Variants in ZNF385D observed in about 807,000 individuals in gnomAD.
ZNF385D encodes the protein zinc finger protein 385D, also known as zinc finger protein 659.
A neutral mutation model predicts 35.8 loss-of-function variants in ZNF385D; 15 were observed. The observed-to-expected ratio is 0.42, with a 90% confidence interval of 0.28 to 0.64. The LOEUF is 0.64. Ranked by LOEUF, ZNF385D falls within the 30% of genes least tolerant of loss-of-function variation. The pLI is 0.23. For synonymous variants in ZNF385D, 212 were observed against 186.8 expected (o/e 1.13, Z -1.10); for missense variants, 474 against 494.6 (o/e 0.96, Z 0.39).
At chr3:22,201,182 A>G (rs555342871) in intron 2 of ZNF385D, among the ~76,000 whole-genome samples, 2 of 152,128 alleles carry the variant, frequency 1.3e-5, no homozygotes, top group African/African-American at 2.4e-5. Context: ...AGAAATTATA[A>G]AAGTATTAAT....
chr3:21,443,152 T>G, intron 4 of ZNF385D: 5 of 985,354 alleles, frequency 5.1e-6, no homozygotes, highest in Non-Finnish European at 6.0e-6. Context: ...AATCAAGTGC[T>G]CCACTCCACT....
Position 21,668,361 on chromosome 3 carries a change from G to A in ZNF385D, c.23-3333C>T, listed in dbSNP as rs2066467610. On this transcript the variant is annotated intron_variant, in intron 1 of 7. Transcript: ENST00000281523. ...TATTTTACCTCCAAAGTTCCTCATG[G>A]CATCTAGGGTAGGCTGAGGCCTCTG... 2.0e-5 allele frequency among the ~76,000 whole-genome samples: 3 copies of A among 152,158 alleles called. No individual in the cohort carries two copies. The South Asian group carries it at 6.2e-4, about 31-fold the overall frequency.
intron 2 of ZNF385D, among the ~76,000 whole-genome samples, chr3:21,588,844 AG>A (rs2063889017): frequency 6.6e-6 from 1 of 152,138 alleles, no homozygotes; most frequent in African/African-American, 2.4e-5. Flanking sequence ...CCAGAGAAAA[AG>A]AAATAGGCCA....
chr3:22,351,014 T>C (rs1215873866), intron 2 of ZNF385D, among the ~76,000 whole-genome samples: 2 of 152,108 alleles, frequency 1.3e-5, no homozygotes, highest in Admixed American at 6.6e-5. Context: ...ATAGACCCGC[T>C]TCCCCTGGCA....
intron 3 of ZNF385D, among the ~76,000 whole-genome samples, chr3:21,945,187 G>C (rs1701721623): frequency 1.7e-5 from 2 of 115,132 alleles, no homozygotes; most frequent in Non-Finnish European, 1.8e-5. Flanking sequence ...GAGAGAGAGA[G>C]AGACAGATTG....
At chr3:22,297,281 A>G (rs1459674527) in intron 2 of ZNF385D, among the ~76,000 whole-genome samples, 1 of 151,980 alleles carries the variant, frequency 6.6e-6, no homozygotes, top group Non-Finnish European at 1.5e-5. Context: ...TGAACACCCC[A>G]AATGACATAT....
At chr3:21,971,787 T>C (rs1703275719) in intron 3 of ZNF385D, among the ~76,000 whole-genome samples, 2 of 151,780 alleles carry the variant, frequency 1.3e-5, no homozygotes, top group Admixed American at 1.3e-4. Context: ...TTCGTGCCAC[T>C]GAAAGCCAAA....
At chr3:21,896,178 A>C (rs887363855) in intron 3 of ZNF385D, among the ~76,000 whole-genome samples, 1 of 152,154 alleles carries the variant, frequency 6.6e-6, no homozygotes, top group Non-Finnish European at 1.5e-5. Context: ...ATGTTAATGG[A>C]AACCAGAAAA....
At chr3:21,660,058 G>T (rs1030096685) in intron 2 of ZNF385D, among the ~76,000 whole-genome samples, 2 of 152,052 alleles carry the variant, frequency 1.3e-5, no homozygotes, top group African/African-American at 4.8e-5. Context: ...CCAGCAGTTG[G>T]TCCTTTGTAA....
intron 4 of ZNF385D, among the ~76,000 whole-genome samples, chr3:21,461,875 A>C (rs77576957): frequency 6.6e-6 from 1 of 152,194 alleles, no homozygotes; most frequent in Non-Finnish European, 1.5e-5. Flanking sequence ...GGACAAAGAC[A>C]TATCTGTGGC....
chr3:22,357,395 A>G (rs1010393017), intron 2 of ZNF385D, among the ~76,000 whole-genome samples: 1 of 151,852 alleles, frequency 6.6e-6, no homozygotes. Context: ...TCAAGCAAAT[A>G]CTTTTACAGT....
intron 2 of ZNF385D, among the ~76,000 whole-genome samples, chr3:22,252,835 G>A (rs1298259890): frequency 6.6e-6 from 1 of 152,092 alleles, no homozygotes; most frequent in East Asian, 1.9e-4. Context: ...ATATTGCTGA[G>A]TTGAGAAGAT....
intron 3 of ZNF385D, among the ~76,000 whole-genome samples, chr3:21,778,330 C>T (rs2071369030): frequency 6.6e-6 from 1 of 151,866 alleles, no homozygotes; most frequent in Non-Finnish European, 1.5e-5. Context: ...CACACCTAGC[C>T]ATCTGTCTTC....
intron 3 of ZNF385D, among the ~76,000 whole-genome samples, chr3:21,924,705 T>A (rs565210970): frequency 6.6e-6 from 1 of 152,254 alleles, no homozygotes; most frequent in South Asian, 2.1e-4. Flanking sequence ...CTCCATAGTG[T>A]TAGTGGAGAC....
chr3:21,922,749 C>A (rs933162798), intron 3 of ZNF385D, among the ~76,000 whole-genome samples: 2 of 152,078 alleles, frequency 1.3e-5, no homozygotes, highest in East Asian at 3.9e-4. Context: ...ATGGCTAAGT[C>A]TTCAAAAACA....
chr3:21,505,984 G>A (rs1706747084), intron 4 of ZNF385D, among the ~76,000 whole-genome samples: 2 of 152,102 alleles, frequency 1.3e-5, no homozygotes, highest in South Asian at 4.1e-4. Flanking sequence ...TCTGATGGAG[G>A]CTGTGCTTCC....
At chr3:21,797,324 GAA>G (rs2072199054) in intron 3 of ZNF385D, among the ~76,000 whole-genome samples, 1 of 152,126 alleles carries the variant, frequency 6.6e-6, no homozygotes, top group East Asian at 1.9e-4. Flanking sequence ...CCAAAATCCA[GAA>G]CACTAACAAC....
intron 3 of ZNF385D, among the ~76,000 whole-genome samples, chr3:21,971,008 G>T (rs1187811356): frequency 6.6e-6 from 1 of 151,928 alleles, no homozygotes; most frequent in Non-Finnish European, 1.5e-5. Context: ...TAGTTTTCCA[G>T]ACAATCAAAA....
intron 3 of ZNF385D, among the ~76,000 whole-genome samples, chr3:21,918,522 T>G (rs772629522): frequency 6.6e-6 from 1 of 152,162 alleles, no homozygotes; most frequent in Non-Finnish European, 1.5e-5. Flanking sequence ...TTTTCATTAC[T>G]CAAATTGGAT....
Sources: gnomAD v4.1 joint callset for allele counts (sites outside exome capture counted in the v4.1 genomes callset) on GRCh38, gnomAD v4.1.1 for gene constraint, MANE v1.5 for transcripts, NCBI Gene and HGNC (gene_info 2026-07-23, HGNC 2026-07-21) for gene names.